The following PINK1 variants were observed in gnomAD, a reference collection of about 807,000 sequenced individuals.
PINK1 encodes the protein PTEN induced kinase 1, also known as serine/threonine-protein kinase PINK1, mitochondrial.
In PINK1, 58 loss-of-function variants were observed where a neutral mutation model predicts 56.0. That is an observed-to-expected ratio of 1.04 (90% confidence interval 0.84 to 1.29). PINK1 has a LOEUF of 1.29. Among genes scored for constraint, PINK1 ranks in the 50% most tolerant of loss-of-function variants. The pLI, the probability that PINK1 is intolerant of heterozygous loss-of-function variation, is 0.00. For synonymous variants in PINK1, 354 were observed against 339.3 expected (o/e 1.04, Z -0.48); for missense variants, 745 against 777.9 (o/e 0.96, Z 0.50).
chr1:20,639,952 C>T lies in PINK1; in HGVS notation c.736C>T (p.Arg246Ter), dbSNP rs74315357. 8.1e-6 allele frequency: 13 copies of T among 1,612,632 alleles called. No homozygotes were observed. Among genetic ancestry groups the T allele is most frequent in the Middle Eastern group, 1.6e-4 (1 of 6,080 alleles). Residue 246 changes from arginine to a stop codon, truncating the protein, a stop_gained, in exon 3 of 8, where the codon CGA becomes TGA. Transcript: ENST00000321556. LOFTEE classifies it high-confidence loss of function. ...GAGCCAGGAGCTGGTCCCAGCGAGC[C>T]GAGTGGCCTTGGCTGGGGAGTATGG... ...TMSQELVPAS[R>*]VALAGEYGAV...
chr1:20,634,045 C>A (rs1051192881), intron 1 of PINK1, 110 bp downstream of exon 1: 1 of 1,322,272 alleles, frequency 7.6e-7, no homozygotes, highest in Non-Finnish European at 1.0e-6. Context: ...CTGAGCAGAT[C>A]GAGGGCCGAG....
At chr1:20,643,896 T>G (rs1018207657) in intron 3 of PINK1, among the ~76,000 whole-genome samples, 1 of 152,194 alleles carries the variant, frequency 6.6e-6, no homozygotes, top group Non-Finnish European at 1.5e-5. Flanking sequence ...AAACCCTATA[T>G]ATACTGTGTT....
At chr1:20,640,170 T>C (rs896967234) in intron 3 of PINK1, among the ~76,000 whole-genome samples, 178 bp downstream of exon 3, 1 of 152,224 alleles carries the variant, frequency 6.6e-6, no homozygotes, top group Non-Finnish European at 1.5e-5. Flanking sequence ...GCAGGTAATC[T>C]GACCCCAAAT....
intron 1 of PINK1, among the ~76,000 whole-genome samples, chr1:20,635,169 C>T (rs919682217): frequency 1.3e-5 from 2 of 152,174 alleles, no homozygotes; most frequent in Non-Finnish European, 2.9e-5. Flanking sequence ...CCCTCCTATG[C>T]CTGAAAATGT....
intron 5 of PINK1, 63 bp from the exon 6 acceptor site, chr1:20,648,442 T>A: frequency 6.2e-7 from 1 of 1,607,996 alleles, no homozygotes. Context: ...AGTAGGGACA[T>A]AGGAGGGCCT....
At position 20,650,572 on chromosome 1, in the gene PINK1, A is replaced by G. The variant is rs2154534076; in HGVS notation, c.1627A>G (p.Arg543Gly). The G allele has an allele frequency of 6.2e-7, 1 of 1,614,240 alleles. No homozygotes were observed. Among genetic ancestry groups the G allele is most frequent in the African/African-American group, 1.3e-5 (1 of 75,070 alleles). ...ATCGGCCGCCACTTTGTTGGCCAAC[A>G]GGCTCACAGAGAAGTGTTGTGTGGA... ...QQSAATLLAN[R>G]LTEKCCVETK... Residue 543 changes from arginine (R) to glycine (G), a missense_variant, in exon 8 of 8, where the codon AGG (arginine) becomes GGG (glycine). Transcript: ENST00000321556.
rs190618048 is a variant in PINK1, at chr1:20,636,063, A to C, written c.388-1779A>C. On this transcript the variant is annotated intron_variant, in intron 1 of 7. Transcript: ENST00000321556. ...ATGCCGATAGTCCCAGCTACTTAGG[A>C]GGCTGAGGTGGGTGGATTGCTTGAG... Among the ~76,000 whole-genome samples, 292 of 152,106 alleles carry C rather than the reference A, an allele frequency of 1.9e-3. 2 individuals are homozygous for C. The Middle Eastern group carries it at 0.02, about 11-fold the overall frequency.
Position 20,650,772 on chromosome 1 carries a change from G to GAGTC in PINK1, c.*84_*87dup, listed in dbSNP as rs1421949032. 7.7e-6 allele frequency: 12 copies of GAGTC among 1,551,890 alleles called. No individual in the cohort carries two copies. Among genetic ancestry groups the GAGTC allele is most frequent in the Admixed American group, 3.7e-5 (2 of 54,180 alleles). ...GATGGTCTGTGAATGGTGAGGGTGG[G>GAGTC]AGTCAGGAGACAAGACAGCGCAGAG... On this transcript the variant is annotated 3_prime_UTR_variant, in exon 8 of 8. Transcript: ENST00000321556.
intron 5 of PINK1, among the ~76,000 whole-genome samples, chr1:20,646,512 C>T (rs907210463): frequency 9.2e-5 from 14 of 152,034 alleles, no homozygotes; most frequent in East Asian, 1.9e-4. Context: ...GGCATGGTGG[C>T]GGGCGCCTGT....
In PINK1 at chr1:20,641,836, G is replaced by A. The variant is rs988091991; in HGVS notation, c.776+1844G>A. 2.0e-5 allele frequency among the ~76,000 whole-genome samples: 3 copies of A among 152,122 alleles called. No individual in the cohort carries two copies. Among genetic ancestry groups the A allele is most frequent in the African/African-American group, 7.2e-5 (3 of 41,412 alleles). ...GCTTCTCTGTGACCATCTCTTGAGCGTACAGCTGGCTATACCTGGGCTGCC... is the reference window on the plus strand; with the variant it reads ...GCTTCTCTGTGACCATCTCTTGAGCATACAGCTGGCTATACCTGGGCTGCC... On this transcript the variant is annotated intron_variant, in intron 3 of 7. Coordinates refer to ENST00000321556, the MANE Select transcript of PINK1 (RefSeq NM_032409.3). This position sits in a 1 kb window ranked among gnomAD's most constrained non-coding sequence, Gnocchi z 4.0.
At position 20,637,903 on chromosome 1, in the gene PINK1, G is replaced by A. The variant is rs2053073251; in HGVS notation, c.449G>A (p.Gly150Asp). 4.3e-6 allele frequency: 7 copies of A among 1,614,112 alleles called. No homozygotes were observed. Among genetic ancestry groups the A allele is most frequent in the Non-Finnish European group, 5.9e-6 (7 of 1,180,050 alleles). The stretch of plus-strand genomic sequence containing the variant: ...CCGTTGGACACGAGACGCTTGCAGG[G>A]CTTTCGGCTGGAGGAGTATCTGATA... ...PDPLDTRRLQGFRLEEYLIGQ... is the reference protein window; with the variant it reads ...PDPLDTRRLQDFRLEEYLIGQ... The change falls in exon 2 of 8, where the codon GGC becomes GAC. Residue 150 changes from glycine to aspartate, a missense_variant. Gly to Asp is a moderately conservative substitution (Grantham distance 94, BLOSUM62 -1). Transcript: ENST00000321556.
chr1:20,650,465 T>G lies in PINK1; in HGVS notation c.1520T>G (p.Leu507Arg). The G allele has an allele frequency of 6.2e-7, 1 of 1,614,082 alleles. No individual in the cohort carries two copies. The highest frequency in any genetic ancestry group is 1.3e-5 in the African/African-American group (1 of 75,030). The change falls in exon 8 of 8, where the codon CTT becomes CGT. Residue 507 changes from leucine to arginine, a missense_variant. Leu to Arg is a moderately radical substitution (Grantham distance 102). Transcript: ENST00000321556. ...RPSARVAANV[L>R]HLSLWGEHIL... ...TCTGCCCGAGTAGCCGCAAATGTGC[T>G]TCATCTAAGCCTCTGGGGTGAACAT...
rs189813937 is a variant in PINK1 at position 20,645,210 on chromosome 1, C to T, written c.960-350C>T. ...ACAGTGATTAAGGTTATTAGGAGGC[C>T]GGGAATGGTGGCTGACGCCTGTAAT... On this transcript the variant is annotated intron_variant, in intron 4 of 7. Coordinates refer to ENST00000321556, the MANE Select transcript of PINK1 (RefSeq NM_032409.3). Among the ~76,000 whole-genome samples, 471 of 152,144 alleles carry T rather than the reference C, an allele frequency of 3.1e-3. 1 individual carries two copies. Among genetic ancestry groups the T allele is most frequent in the Non-Finnish European group, 4.5e-3 (309 of 67,988 alleles).
chr1:20,645,668 G>C lies in PINK1; in HGVS notation c.1068G>C (p.Gln356His). 2 of 1,614,084 alleles carry C rather than the reference G, an allele frequency of 1.2e-6. No homozygotes were observed. The highest frequency in any genetic ancestry group is 1.7e-6 in the Non-Finnish European group (2 of 1,180,030). ...AAGGCGTGGACCATCTGGTTCAACA[G>C]GGCATCGCGCACAGAGACCTGAAAT... ...LLEGVDHLVQ[Q>H]GIAHRDLKSD... Residue 356 changes from glutamine to histidine, a missense_variant, in exon 5 of 8, where the codon CAG becomes CAC. Physicochemically the swap from Gln to His is conservative, Grantham distance 24. Coordinates refer to ENST00000321556, the MANE Select transcript of PINK1 (RefSeq NM_032409.3).
chr1:20,639,710 C>G (rs753299329), intron 2 of PINK1, 182 bp from the exon 3 acceptor site: 12 of 673,794 alleles, frequency 1.8e-5, no homozygotes, highest in Non-Finnish European at 3.2e-5. Flanking sequence ...TGGATGGTAC[C>G]TCTGTCTGCC....
In PINK1 at chr1:20,633,636, G is replaced by A. The variant is rs569753606; in HGVS notation, c.88G>A (p.Gly30Ser). ...RFTGKPGRAYGLGRPGPAAGC... is the reference protein window; with the variant it reads ...RFTGKPGRAYSLGRPGPAAGC... ...CACGGGCAAGCCCGGCCGGGCCTACGGCTTGGGGCGGCCGGGCCCGGCGGC... is the reference window on the plus strand; with the variant it reads ...CACGGGCAAGCCCGGCCGGGCCTACAGCTTGGGGCGGCCGGGCCCGGCGGC... Residue 30 changes from glycine (G) to serine (S), a missense_variant, in exon 1 of 8, where the codon GGC (glycine) becomes AGC (serine). By Grantham distance (56) the Gly-to-Ser change is moderately conservative. Coordinates refer to ENST00000321556, the MANE Select transcript of PINK1 (RefSeq NM_032409.3). The A allele has an allele frequency of 2.4e-5, 31 of 1,318,818 alleles. No individual in the cohort carries two copies. In the African/African-American group the frequency reaches 4.4e-4, roughly 19 times the overall value. 81.7% of individuals were successfully genotyped at this position (1,318,818 alleles called of 1,614,324 possible).
chr1:20,639,863 T>C lies in PINK1; in HGVS notation c.676-29T>C, dbSNP rs374088758. On this transcript the variant is annotated intron_variant, in intron 2 of 7. Coordinates refer to ENST00000321556, the MANE Select transcript of PINK1 (RefSeq NM_032409.3). ...ACTTACCATTCTGCTCCGGCCTGTG[T>C]AACCCTGGGTTCCTTGTGGGTGTTC... 7.5e-5 allele frequency: 119 copies of C among 1,596,532 alleles called. No individual in the cohort carries two copies. In the African/African-American group the frequency reaches 1.6e-3, roughly 21 times the overall value.
At chr1:20,648,916 C>G in intron 6 of PINK1, 79 bp from the exon 7 acceptor site, 2 of 1,483,116 alleles carry the variant, frequency 1.3e-6, no homozygotes, top group South Asian at 2.3e-5. Context: ...CAGATTAGCC[C>G]ATGGATCAGG....
chr1:20,635,811 T>C (rs2053051315), intron 1 of PINK1, among the ~76,000 whole-genome samples: 1 of 151,932 alleles, frequency 6.6e-6, no homozygotes, highest in Non-Finnish European at 1.5e-5. Flanking sequence ...ATCGCGCCAC[T>C]GCACTCCAGC....
Sources: allele counts gnomAD v4.1 joint callset (sites outside exome capture counted in the v4.1 genomes callset), GRCh38; gene constraint gnomAD v4.1.1; non-coding constraint Gnocchi (gnomAD v3.1); transcripts MANE v1.5; gene names NCBI Gene and HGNC (gene_info 2026-07-23, HGNC 2026-07-21).